The following GREB1 variants were observed in gnomAD, a reference collection of about 807,000 sequenced individuals.
The protein encoded by GREB1 is growth regulating estrogen receptor binding 1.
Under a neutral mutation model 200.7 loss-of-function variants are expected in GREB1, and 106 were observed. The ratio of observed to expected loss-of-function variants is 0.53; its 90% CI spans 0.45 to 0.62. The LOEUF is 0.62. Among genes scored for constraint, GREB1 ranks in the 20% least tolerant of loss-of-function variants. GREB1 has a pLI of 0.00. For missense variants in GREB1, 2,243 were observed against 2,556.8 expected (o/e 0.88, Z 2.65); for synonymous variants, 1,132 against 1,092.4 (o/e 1.04, Z -0.72).
chr2:11,533,802 C>A (rs540771919), upstream of GREB1, among the ~76,000 whole-genome samples: 2 of 152,132 alleles, frequency 1.3e-5, no homozygotes, highest in Non-Finnish European at 2.9e-5. Context: ...CATGCTCTCC[C>A]GCCATGTTCT....
At chr2:11,494,494 T>A (rs1672836870) in intron 1 of GREB1, among the ~76,000 whole-genome samples, 1 of 152,196 alleles carries the variant, frequency 6.6e-6, no homozygotes. Context: ...TGCTCTAGAG[T>A]TGTTCTCGTA....
chr2:11,588,664 C>T, intron 9 of GREB1, 82 bp from the exon 10 acceptor site: 4 of 1,275,246 alleles, frequency 3.1e-6, no homozygotes, highest in South Asian at 1.2e-5. Context: ...CCTTCAGTGC[C>T]CTCACCCCCA....
intron 16 of GREB1, 75 bp from the exon 17 acceptor site, chr2:11,602,331 C>A: frequency 7.2e-7 from 1 of 1,384,666 alleles, no homozygotes; most frequent in Non-Finnish European, 1.0e-6. Flanking sequence ...AGGTCATCCG[C>A]AGGCCTGGCA....
chr2:11,518,321 C>T (rs1350094230), intron 1 of GREB1, among the ~76,000 whole-genome samples: 1 of 152,150 alleles, frequency 6.6e-6, no homozygotes, highest in Non-Finnish European at 1.5e-5. Flanking sequence ...TAGTCATGCT[C>T]ATTTAAAGGT....
At chr2:11,614,995 T>A in intron 19 of GREB1, 96 bp from the exon 20 acceptor site, 1 of 888,040 alleles carries the variant, frequency 1.1e-6, no homozygotes, top group Non-Finnish European at 1.9e-6. Flanking sequence ...ACCAGGAAGG[T>A]GGGGTGTGGT....
intron 1 of GREB1, among the ~76,000 whole-genome samples, chr2:11,483,685 GGGGTGTGTGTGTGTGT>G (rs1308442686): frequency 7.2e-4 from 74 of 102,146 alleles, no homozygotes; most frequent in African/African-American, 2.8e-3. Flanking sequence ...AGTACAAGAA[GGGGTGTGTGTGTGTGT>G]GTGTGTGTGT....
At chr2:11,486,371 G>C (rs1672655858) in intron 1 of GREB1, among the ~76,000 whole-genome samples, 1 of 152,076 alleles carries the variant, frequency 6.6e-6, no homozygotes, top group African/African-American at 2.4e-5. Flanking sequence ...GCCCAGGCTG[G>C]TCTTAAAGTC....
intron 1 of GREB1, among the ~76,000 whole-genome samples, chr2:11,483,688 GTGTGT>G (rs1672575219): frequency 1.5e-3 from 2 of 1,358 alleles, no homozygotes; most frequent in Admixed American, 0.017. Flanking sequence ...ACAAGAAGGG[GTGTGT>G]GTGTGTGTGT....
In GREB1 at chr2:11,483,687, GGTGTGTGTGTGTGTGT is replaced by G. The variant is rs57352590; in HGVS notation, c.-159+1338_-159+1353del. 2.6e-3 allele frequency among the ~76,000 whole-genome samples: 345 copies of G among 132,382 alleles called. 1 individual carries two copies. The highest frequency in any genetic ancestry group is 3.8e-3 in the African/African-American group (135 of 35,086). The allele number at this position is 132,382 out of a possible 152,430, so 86.8% of individuals were successfully genotyped here. ...GCTGCTTCCCCGAAGTACAAGAAGG[GGTGTGTGTGTGTGTGT>G]GTGTGTGTGTGTGTGTGTGTGTGTG... On this transcript the variant is annotated intron_variant, in intron 1 of 2. Transcript: ENST00000628795.
At chr2:11,612,762 C>T (rs1012871016) in intron 19 of GREB1, 152 bp downstream of exon 19, 3 of 586,404 alleles carry the variant, frequency 5.1e-6, no homozygotes, top group East Asian at 2.9e-5. Flanking sequence ...TCGTGGCTTT[C>T]CCAGCATGGG....
At chr2:11,485,536 A>G (rs1307530851) in intron 1 of GREB1, among the ~76,000 whole-genome samples, 1 of 152,128 alleles carries the variant, frequency 6.6e-6, no homozygotes, top group Non-Finnish European at 1.5e-5. Flanking sequence ...AGCCTCCCAA[A>G]GTGCTGGGAT....
chr2:11,491,155 T>C (rs778969197), intron 1 of GREB1, among the ~76,000 whole-genome samples: 2 of 152,218 alleles, frequency 1.3e-5, no homozygotes, highest in African/African-American at 2.4e-5. Flanking sequence ...CCATTGTTTT[T>C]ATAGGTTTGC....
Position 11,597,939 on chromosome 2 carries a change from G to C in GREB1, c.2113G>C (p.Val705Leu). The change falls in exon 14 of 33, where the codon GTG (valine) becomes CTG (leucine). Residue 705 changes from valine to leucine, a missense_variant. Physicochemically the swap from Val to Leu is conservative, Grantham distance 32 (BLOSUM62 1). Around this residue, in one of 3 missense-constraint regions of GREB1, gnomAD observed 1,178 missense variants for 1,387.4 expected, o/e 0.85. Transcript: ENST00000381486. The surrounding 1 kb of genome is among the most constrained non-coding windows in gnomAD (Gnocchi z 4.1). ...DFLICIPPSE[V>L]TYQQTLLHVW... ...TCTCATTTGCATTCCCCCCTCAGAA[G>C]TGACCTACCAGCAGACTCTGCTCCA... 3 of 1,614,190 alleles carry C rather than the reference G, an allele frequency of 1.9e-6. No individual in the cohort carries two copies. The highest frequency in any genetic ancestry group is 2.5e-6 in the Non-Finnish European group (3 of 1,180,032).
intron 14 of GREB1, among the ~76,000 whole-genome samples, chr2:11,598,295 C>T (rs751327453): frequency 1.3e-5 from 2 of 152,234 alleles, no homozygotes; most frequent in Admixed American, 6.5e-5. Context: ...CACAGATGTC[C>T]GGTGTCTTCA....
intron 17 of GREB1, among the ~76,000 whole-genome samples, chr2:11,603,459 C>T (rs1572887166): frequency 6.6e-6 from 1 of 152,280 alleles, no homozygotes; most frequent in East Asian, 1.9e-4. Flanking sequence ...CATGGTCAAA[C>T]GTGTCTGAGA....
chr2:11,522,468 A>G (rs965423851), intron 1 of GREB1, among the ~76,000 whole-genome samples: 9 of 152,126 alleles, frequency 5.9e-5, no homozygotes, highest in African/African-American at 1.7e-4. Flanking sequence ...GTCTGTCACA[A>G]CTGTCGCCTG....
intron 17 of GREB1, among the ~76,000 whole-genome samples, chr2:11,607,834 T>C (rs12476152): frequency 0.48 from 72,611 of 151,722 alleles, 17,834 homozygotes; most frequent in South Asian, 0.7. Context: ...TGTATTGACT[T>C]GTAAAAGAAT....
At chr2:11,495,677 C>T (rs1672864318) in intron 1 of GREB1, among the ~76,000 whole-genome samples, 1 of 152,242 alleles carries the variant, frequency 6.6e-6, no homozygotes, top group East Asian at 1.9e-4. Context: ...TTGTCTGAGT[C>T]CACACACCTG....
In GREB1 at chr2:11,562,500, G is replaced by T; in HGVS notation, c.195G>T (p.Glu65Asp). ...SRVDNEEEEE[E>D]GEGGLETNGP... ...TGGACAATGAGGAAGAGGAAGAAGA[G>T]GGAGAAGGAGGGCTGGAAACAAATG... Residue 65 changes from glutamate (E) to aspartate (D), a missense_variant, in exon 3 of 33, where the codon GAG becomes GAT. By Grantham distance (45) the Glu-to-Asp change is conservative (BLOSUM62 2). Around this residue, in one of 3 missense-constraint regions of GREB1, gnomAD observed 1,178 missense variants for 1,387.4 expected, o/e 0.85. Transcript: ENST00000381486. 1 of 1,608,896 alleles carries T rather than the reference G, an allele frequency of 6.2e-7. No homozygotes were observed. The highest frequency in any genetic ancestry group is 8.5e-7 in the Non-Finnish European group (1 of 1,177,692).
Sources: gnomAD v4.1 joint callset for allele counts (sites outside exome capture counted in the v4.1 genomes callset) on GRCh38, gnomAD v4.1.1 for gene constraint, gnomAD v4.1.1 regional missense constraint, Gnocchi (gnomAD v3.1) non-coding constraint, MANE v1.5 for transcripts, NCBI Gene and HGNC (gene_info 2026-07-23, HGNC 2026-07-21) for gene names.